The following FAM149A variants were observed in gnomAD, a reference collection of about 807,000 sequenced individuals.
FAM149A encodes the protein family with sequence similarity 149 member A, also known as protein FAM149A.
In FAM149A, 71 loss-of-function variants were observed where a neutral mutation model predicts 78.2. That is an observed-to-expected ratio of 0.91 (90% CI 0.75 to 1.11). The LOEUF is 1.11. Among genes scored for constraint, FAM149A ranks in the 50% least tolerant of loss-of-function variants. FAM149A has a pLI of 0.00. For synonymous variants in FAM149A, 446 were observed against 410.5 expected (o/e 1.09, Z -1.04); for missense variants, 1,036 against 971.0 (o/e 1.07, Z -0.89).
intron 4 of FAM149A, among the ~76,000 whole-genome samples, chr4:186,152,539 CTTTTTTT>C (rs10718602): frequency 2.0e-3 from 173 of 88,286 alleles, no homozygotes; most frequent in African/African-American, 3.5e-3. Context: ...TTTCTTTTTG[CTTTTTTT>C]TTTTTTTTTT....
In FAM149A at chr4:186,118,069, C is replaced by T. The variant is rs114702706; in HGVS notation, c.566+12427C>T. 1.9e-4 allele frequency: 183 copies of T among 985,256 alleles called. No individual in the cohort carries two copies. In the African/African-American group the frequency reaches 2.7e-3, roughly 15 times the overall value. 61.0% of individuals were successfully genotyped at this position (985,256 alleles called of 1,614,324 possible). On this transcript the variant is annotated intron_variant, in intron 1 of 13. Transcript: ENST00000389354. Reference sequence around the variant, plus strand: ...GAAACATCTAGAGAAGGGCCAGGCACGGGGCTGGACATTCATGGTGGAATA... The same window carrying T: ...GAAACATCTAGAGAAGGGCCAGGCATGGGGCTGGACATTCATGGTGGAATA...
intron 1 of FAM149A, among the ~76,000 whole-genome samples, chr4:186,119,423 C>T (rs1306236667): frequency 6.6e-6 from 1 of 152,170 alleles, no homozygotes; most frequent in Non-Finnish European, 1.5e-5. Context: ...TGGAACTTTG[C>T]AATGATTAAA....
intron 8 of FAM149A, chr4:186,158,804 C>T: frequency 9.9e-7 from 1 of 1,014,126 alleles, no homozygotes; most frequent in East Asian, 1.0e-4. Context: ...GCTCCCAATG[C>T]TCAGGCCCCT....
At chr4:186,106,646 A>T (rs1167290776) in intron 1 of FAM149A, among the ~76,000 whole-genome samples, 1 of 152,086 alleles carries the variant, frequency 6.6e-6, no homozygotes, top group African/African-American at 2.4e-5. Context: ...AATGATATTC[A>T]TGTCAATATG....
intron 7 of FAM149A, 130 bp downstream of exon 7, chr4:186,156,320 C>T (rs1002746731): frequency 1.5e-6 from 1 of 658,694 alleles, no homozygotes; most frequent in Non-Finnish European, 2.6e-6. Context: ...TCTGACTTTA[C>T]TCATGAGTGC....
chr4:186,152,148 A>G (rs1733633043), intron 4 of FAM149A, 103 bp downstream of exon 4: 1 of 1,116,336 alleles, frequency 9.0e-7, no homozygotes, highest in Non-Finnish European at 1.3e-6. Context: ...GTGCCTGCCC[A>G]GTCAGAATAT....
chr4:186,156,533 G>A (rs1734042002), intron 7 of FAM149A, among the ~76,000 whole-genome samples: 1 of 152,144 alleles, frequency 6.6e-6, no homozygotes, highest in Non-Finnish European at 1.5e-5. Context: ...AATTAGCCGG[G>A]CGTGGTGGTA....
At chr4:186,129,197 ATGTGTG>A (rs901705679) in intron 1 of FAM149A, among the ~76,000 whole-genome samples, 2 of 150,598 alleles carry the variant, frequency 1.3e-5, no homozygotes, top group African/African-American at 4.9e-5. Flanking sequence ...ATGAGTGTGC[ATGTGTG>A]TGTGTGTCTA....
At chr4:186,143,487 C>A (rs1223704966) in intron 1 of FAM149A, among the ~76,000 whole-genome samples, 1 of 152,022 alleles carries the variant, frequency 6.6e-6, no homozygotes, top group Non-Finnish European at 1.5e-5. Flanking sequence ...AACCACTTAC[C>A]ACTTTTATAA....
At position 186,105,365 on chromosome 4, in the gene FAM149A, T is replaced by C. The variant is rs1160759896; in HGVS notation, c.289T>C (p.Trp97Arg). ...GGGAGCAGTGGGGACCCTGCTCTCT[T>C]GGCCCAGTAGCCCTAGAGCGGGTAA... Residue 97 changes from tryptophan to arginine, a missense_variant, in exon 1 of 14, where the codon TGG (tryptophan) becomes CGG (arginine). Around this residue, in one of 3 missense-constraint regions of FAM149A, gnomAD observed 316 missense variants for 241.9 expected, o/e 1.31. Transcript: ENST00000389354. The C allele has an allele frequency of 2.5e-6, 3 of 1,188,124 alleles. No individual in the cohort carries two copies. The highest frequency in any genetic ancestry group is 1.7e-4 in the East Asian group (2 of 11,486). 73.6% of individuals were successfully genotyped at this position (1,188,124 alleles called of 1,614,324 possible). A position where few individuals can be genotyped will look rare whatever the true frequency, so the allele number is the denominator to read the frequency against.
intron 7 of FAM149A, among the ~76,000 whole-genome samples, chr4:186,156,983 A>C (rs1387577581): frequency 6.6e-6 from 1 of 152,220 alleles, no homozygotes; most frequent in South Asian, 2.1e-4. Flanking sequence ...GTGCATATGC[A>C]GTCTGGAAAA....
chr4:186,109,127 T>A (rs534049426), intron 1 of FAM149A: 1 of 982,090 alleles, frequency 1.0e-6, no homozygotes, highest in Non-Finnish European at 1.2e-6. Flanking sequence ...GATTACAGGC[T>A]TGAGCCACCG....
At chr4:186,136,779 C>G (rs6840153) in intron 1 of FAM149A, among the ~76,000 whole-genome samples, 30,805 of 152,028 alleles carry the variant, frequency 0.2, 4,625 homozygotes, top group African/African-American at 0.42. Context: ...TGCAGGGCTG[C>G]AGGTGGGGTG....
rs764496232 is a variant in FAM149A, at chr4:186,167,155, T to C, written c.2140-29T>C. 51 of 1,606,158 alleles carry C rather than the reference T, an allele frequency of 3.2e-5. No homozygotes were observed. The Admixed American group carries it at 7.9e-4, about 25-fold the overall frequency. ...AAAAACATTTGAAAAAAATGAAACT[T>C]GTCCCTGATTTTATTTTTCTTCCAG... On this transcript the variant is annotated intron_variant, in intron 12 of 13. Coordinates refer to ENST00000389354, the MANE Select transcript of FAM149A (RefSeq NM_001367768.3).
At chr4:186,153,608 G>A in intron 4 of FAM149A, 37 bp from the exon 5 acceptor site, 1 of 1,593,634 alleles carries the variant, frequency 6.3e-7, no homozygotes, top group Non-Finnish European at 8.6e-7. Flanking sequence ...CCCTTTGTCT[G>A]ATCAAAAATG....
intron 8 of FAM149A, chr4:186,158,586 G>T: frequency 3.7e-6 from 1 of 271,266 alleles, no homozygotes; most frequent in South Asian, 1.2e-4. Context: ...TCCAGTGCCT[G>T]CTGAGCATTG....
At chr4:186,108,792 C>G (rs2099309867) in intron 1 of FAM149A, among the ~76,000 whole-genome samples, 1 of 151,946 alleles carries the variant, frequency 6.6e-6, no homozygotes, top group Admixed American at 6.6e-5. Flanking sequence ...TACCTCTTTT[C>G]ATACTTCTGG....
In FAM149A at chr4:186,157,558, G is replaced by C. The variant is rs1420728625; in HGVS notation, c.1421-7G>C. ...TTCTTGTAATATTGATTCTTCTGTT[G>C]ACACAGAAGGGAAAAAACAGAGAGA... On this transcript the variant is annotated splice_polypyrimidine_tract_variant and splice_region_variant and intron_variant, in intron 7 of 13. Transcript: ENST00000389354. 2 of 1,610,678 alleles carry C rather than the reference G, an allele frequency of 1.2e-6. No homozygotes were observed. Among genetic ancestry groups the C allele is most frequent in the East Asian group, 4.5e-5 (2 of 44,886 alleles).
At chr4:186,140,680 G>A (rs895813512) in intron 1 of FAM149A, among the ~76,000 whole-genome samples, 6 of 152,022 alleles carry the variant, frequency 3.9e-5, no homozygotes, top group African/African-American at 1.4e-4. Context: ...TGATCCCAGG[G>A]CCCCATGCCA....
Sources: gnomAD v4.1 joint callset for allele counts (sites outside exome capture counted in the v4.1 genomes callset) on GRCh38, gnomAD v4.1.1 for gene constraint, gnomAD v4.1.1 regional missense constraint, MANE v1.5 for transcripts, NCBI Gene and HGNC (gene_info 2026-07-23, HGNC 2026-07-21) for gene names.